PGM1: variants seen among roughly 807,000 people sequenced by gnomAD.
PGM1 encodes phosphoglucomutase 1.
PGM1 carries 52 observed loss-of-function variants against 55.6 expected under a neutral mutation model. The ratio of observed to expected loss-of-function variants is 0.94; its 90% CI spans 0.75 to 1.18. PGM1 has a LOEUF of 1.18. PGM1 is among the 50% of genes most tolerant of loss of function. The pLI is 0.00. For missense variants in PGM1, 724 were observed against 729.3 expected (o/e 0.99, Z 0.08); for synonymous variants, 287 against 271.7 (o/e 1.06, Z -0.55).
At chr1:63,640,952 G>A (rs1375877409) in intron 7 of PGM1, among the ~76,000 whole-genome samples, 2 of 152,142 alleles carry the variant, frequency 1.3e-5, no homozygotes, top group Non-Finnish European at 2.9e-5. Context: ...TAGTGATTAG[G>A]ACACTGTATT....
chr1:63,656,749 G>T (rs1269644974), intron 10 of PGM1, among the ~76,000 whole-genome samples: 1 of 152,172 alleles, frequency 6.6e-6, no homozygotes, highest in Non-Finnish European at 1.5e-5. Context: ...AATACTGCAT[G>T]ATTTCACTTG....
intron 4 of PGM1, among the ~76,000 whole-genome samples, chr1:63,633,947 T>TTATTTA (rs1557433852): frequency 1.7e-5 from 2 of 119,762 alleles, no homozygotes; most frequent in Non-Finnish European, 1.7e-5. Flanking sequence ...TTTTTTTTTT[T>TTATTTA]TTTTTTTTTT....
At chr1:63,632,885 T>C (rs1649234379) in intron 4 of PGM1, among the ~76,000 whole-genome samples, 1 of 152,024 alleles carries the variant, frequency 6.6e-6, no homozygotes, top group Admixed American at 6.6e-5. Flanking sequence ...TAGTCGGGTG[T>C]GGTGGCACAT....
At chr1:63,658,343 TA>T (rs1400555803) in intron 10 of PGM1, among the ~76,000 whole-genome samples, 30 of 128,074 alleles carry the variant, frequency 2.3e-4, no homozygotes, top group Non-Finnish European at 3.8e-4. Flanking sequence ...ACCAGATTAG[TA>T]GTTTTTTTTT....
At chr1:63,626,695 T>A (rs1649026927) in intron 1 of PGM1, among the ~76,000 whole-genome samples, 1 of 152,182 alleles carries the variant, frequency 6.6e-6, no homozygotes, top group African/African-American at 2.4e-5. Flanking sequence ...TTGAGTACAG[T>A]GACAAATTCT....
At chr1:63,648,446 C>T (rs984963189) in intron 7 of PGM1, 71 bp from the exon 8 acceptor site, 1 of 1,580,082 alleles carries the variant, frequency 6.3e-7, no homozygotes, top group Non-Finnish European at 8.7e-7. Context: ...CAGAGCCAAA[C>T]CATATCAAGT....
chr1:63,643,414 C>T (rs1179878575), intron 7 of PGM1, among the ~76,000 whole-genome samples: 1 of 152,194 alleles, frequency 6.6e-6, no homozygotes, highest in Non-Finnish European at 1.5e-5. Flanking sequence ...GCTTATCAGG[C>T]ACTTAAACTA....
intron 8 of PGM1, among the ~76,000 whole-genome samples, chr1:63,650,839 T>A (rs1649788706): frequency 6.6e-6 from 1 of 151,972 alleles, no homozygotes; most frequent in East Asian, 1.9e-4. Context: ...TCTGTCAGGG[T>A]GAACCCAAAG....
At chr1:63,621,364 C>A (rs150109946) in intron 1 of PGM1, among the ~76,000 whole-genome samples, 2 of 151,668 alleles carry the variant, frequency 1.3e-5, no homozygotes, top group Non-Finnish European at 2.9e-5. Flanking sequence ...CCCAAGTACC[C>A]CCAAATTTAC....
At chr1:63,647,054 C>A (rs1237060423) in intron 7 of PGM1, among the ~76,000 whole-genome samples, 1 of 151,584 alleles carries the variant, frequency 6.6e-6, no homozygotes, top group Non-Finnish European at 1.5e-5. Flanking sequence ...ACCAGCCTGG[C>A]CAACATGGCG....
At chr1:63,625,108 T>A (rs1570489552) in intron 1 of PGM1, among the ~76,000 whole-genome samples, 1 of 152,322 alleles carries the variant, frequency 6.6e-6, no homozygotes, top group Admixed American at 6.5e-5. Context: ...GACTGTTGAG[T>A]GGATCTGGTA....
At position 63,648,585 on chromosome 1, in the gene PGM1, C is replaced by A. The variant is rs754131603; in HGVS notation, c.1213C>A (p.Arg405Ser). 69 of 1,613,936 alleles carry A rather than the reference C, an allele frequency of 4.3e-5. No homozygotes were observed. The South Asian group carries it at 6.8e-4, about 16-fold the overall frequency. ...TGCCTGGCTCTCCATCCTAGCCACC[C>A]GCAAGCAGAGTGTGGAGGACATTCT... Reference protein sequence around the residue: ...VLAWLSILATRKQSVEDILKD... With the variant: ...VLAWLSILATSKQSVEDILKD... The change falls in exon 8 of 11, where the codon CGC becomes AGC. Residue 405 changes from arginine (R) to serine (S), a missense_variant. Around this residue, in one of 3 missense-constraint regions of PGM1, gnomAD observed 316 missense variants for 313.1 expected, o/e 1.01. Coordinates refer to ENST00000371084, the MANE Select transcript of PGM1 (RefSeq NM_002633.3).
At chr1:63,593,985 G>C in intron 1 of PGM1, 1 of 1,176,102 alleles carries the variant, frequency 8.5e-7, no homozygotes, top group Non-Finnish European at 1.0e-6. Context: ...GGAGGTGCGG[G>C]CGCGGAGCCT....
intron 9 of PGM1, 28 bp from the exon 10 acceptor site, chr1:63,654,304 G>T (rs1372795914): frequency 5.6e-6 from 9 of 1,612,594 alleles, no homozygotes; most frequent in Non-Finnish European, 7.6e-6. Context: ...AGCATTTGGG[G>T]AAAAAAATCT....
At chr1:63,620,210 C>G (rs1349832722) in intron 1 of PGM1, among the ~76,000 whole-genome samples, 1 of 152,188 alleles carries the variant, frequency 6.6e-6, no homozygotes, top group Non-Finnish European at 1.5e-5. Flanking sequence ...GGCTGCTGAA[C>G]CTGTGCCCTT....
chr1:63,599,406 C>T (rs1351122038), intron 1 of PGM1, among the ~76,000 whole-genome samples: 14 of 151,974 alleles, frequency 9.2e-5, no homozygotes, highest in African/African-American at 3.1e-4. Context: ...CCTCATCATC[C>T]GCCCGCCTCG....
chr1:63,623,653 A>G, intron 1 of PGM1: 1 of 1,612,480 alleles, frequency 6.2e-7, no homozygotes, highest in South Asian at 1.1e-5. Context: ...ATTCTTTTCC[A>G]TAGACCTAAA....
chr1:63,651,866 G>A lies in PGM1; in HGVS notation c.1464+14G>A, dbSNP rs2269238. On this transcript the variant is annotated intron_variant, in intron 9 of 10. Coordinates refer to ENST00000371084, the MANE Select transcript of PGM1 (RefSeq NM_002633.3). Reference sequence around the variant, plus strand: ...TCAAGAAATCAGGTAGAAACAGACCGGTGTGTAAGTGAGAGAGAGACCTCA... The same window carrying A: ...TCAAGAAATCAGGTAGAAACAGACCAGTGTGTAAGTGAGAGAGAGACCTCA... 21 of 1,609,788 alleles carry A rather than the reference G, an allele frequency of 1.3e-5. No individual in the cohort carries two copies. Among genetic ancestry groups the A allele is most frequent in the African/African-American group, 2.7e-5 (2 of 74,770 alleles).
In PGM1 at chr1:63,629,632, A is replaced by T. The variant is rs749743005; in HGVS notation, c.409+45A>T. 9 of 1,573,832 alleles carry T rather than the reference A, an allele frequency of 5.7e-6. No individual in the cohort carries two copies. In the South Asian group the frequency reaches 6.7e-5, roughly 12 times the overall value. ...GAGGACAGGTAAGTTTACATTCAGT[A>T]GGACAAATCAATACCTGGAGCCTTG... On this transcript the variant is annotated intron_variant, in intron 2 of 10. Coordinates refer to ENST00000371084, the MANE Select transcript of PGM1 (RefSeq NM_002633.3).
Sources: allele counts gnomAD v4.1 joint callset (sites outside exome capture counted in the v4.1 genomes callset), GRCh38; gene constraint gnomAD v4.1.1; regional missense constraint gnomAD v4.1.1; transcripts MANE v1.5; gene names NCBI Gene and HGNC (gene_info 2026-07-23, HGNC 2026-07-21).